GRID2: variants seen among roughly 807,000 people sequenced by gnomAD.
GRID2 encodes the protein glutamate receptor ionotropic, delta-2.
GRID2 carries 33 observed loss-of-function variants against 114.8 expected under a neutral mutation model. The observed-to-expected ratio is 0.29, with a 90% CI of 0.22 to 0.38. The LOEUF (loss-of-function observed/expected upper bound fraction) is 0.38, where lower values mean the gene tolerates loss of function less well. GRID2 is among the 10% of genes least tolerant of loss of function. The pLI is 1.00. For missense variants in GRID2, 1,184 were observed against 1,257.7 expected (o/e 0.94, Z 0.89); for synonymous variants, 505 against 449.9 (o/e 1.12, Z -1.55).
chr4:92,964,860 C>T (rs1045025856), intron 2 of GRID2, among the ~76,000 whole-genome samples: 1 of 152,064 alleles, frequency 6.6e-6, no homozygotes, highest in Non-Finnish European at 1.5e-5. Flanking sequence ...AAACTTTCTC[C>T]ATATCAGCAA....
chr4:93,152,503 T>C (rs1251218449), intron 4 of GRID2, among the ~76,000 whole-genome samples: 1 of 152,104 alleles, frequency 6.6e-6, no homozygotes, highest in Non-Finnish European at 1.5e-5. Context: ...AAGTACAAAA[T>C]ATTTATAATT....
intron 13 of GRID2, among the ~76,000 whole-genome samples, chr4:93,548,196 A>G (rs911583096): frequency 2.6e-5 from 4 of 152,106 alleles, no homozygotes; most frequent in African/African-American, 9.7e-5. Flanking sequence ...AAAAGAAAAA[A>G]AGGAAAAAGC....
chr4:93,182,244 AT>A (rs1200847846), intron 4 of GRID2, among the ~76,000 whole-genome samples: 5 of 152,086 alleles, frequency 3.3e-5, no homozygotes, highest in African/African-American at 1.2e-4. Context: ...GTCAAAATCT[AT>A]TTTTTAGTTG....
chr4:92,994,306 A>C (rs749287528), intron 2 of GRID2, among the ~76,000 whole-genome samples: 1 of 152,218 alleles, frequency 6.6e-6, no homozygotes, highest in East Asian at 1.9e-4. Flanking sequence ...AAATCCTTAG[A>C]ATCATGTAAC....
chr4:93,471,698 A>ATTTTTTTTTTTTTTTTTTTTTTTC, intron 11 of GRID2, among the ~76,000 whole-genome samples: 1 of 61,008 alleles, frequency 1.6e-5, no homozygotes, highest in Non-Finnish European at 3.2e-5. Flanking sequence ...CCTGAATTCA[A>ATTTTTTTTTTTTTTTTTTTTTTTC]TTTTTTTTTT....
intron 8 of GRID2, among the ~76,000 whole-genome samples, chr4:93,261,190 G>T (rs991347929): frequency 7.9e-5 from 12 of 151,874 alleles, no homozygotes; most frequent in African/African-American, 2.9e-4. Context: ...GGTTCCCAGA[G>T]ATTATAATTG....
intron 2 of GRID2, among the ~76,000 whole-genome samples, chr4:92,942,883 T>C (rs566878498): frequency 1.3e-5 from 2 of 152,312 alleles, no homozygotes; most frequent in Admixed American, 6.5e-5. Flanking sequence ...TCTTTAAGAA[T>C]GTTGAATATT....
chr4:93,451,736 AGAAAT>A (rs1157733418), intron 10 of GRID2, among the ~76,000 whole-genome samples: 2 of 152,104 alleles, frequency 1.3e-5, no homozygotes, highest in Admixed American at 6.6e-5. Context: ...GAAATAGTAA[AGAAAT>A]GAATGGATAT....
chr4:92,445,889 T>A (rs1733433024), intron 1 of GRID2, among the ~76,000 whole-genome samples: 1 of 152,232 alleles, frequency 6.6e-6, no homozygotes, highest in Non-Finnish European at 1.5e-5. Flanking sequence ...TGAACACATT[T>A]TTAATTTTTT....
intron 9 of GRID2, among the ~76,000 whole-genome samples, chr4:93,407,463 A>G (rs1766568148): frequency 6.6e-6 from 1 of 152,146 alleles, no homozygotes; most frequent in African/African-American, 2.4e-5. Flanking sequence ...ATCGGTCGAA[A>G]TACAGAGGTT....
chr4:92,427,348 G>A, intron 1 of GRID2, among the ~76,000 whole-genome samples: 1 of 152,004 alleles, frequency 6.6e-6, no homozygotes, highest in East Asian at 1.9e-4. Flanking sequence ...TAAATGAAGG[G>A]GTTGGGATAA....
intron 1 of GRID2, among the ~76,000 whole-genome samples, chr4:92,589,633 A>C (rs2149210563): frequency 6.6e-6 from 1 of 152,292 alleles, no homozygotes; most frequent in Non-Finnish European, 1.5e-5. Flanking sequence ...ACTATTATAA[A>C]AGATAATGAA....
At chr4:92,968,676 A>C (rs1242412636) in intron 2 of GRID2, among the ~76,000 whole-genome samples, 1 of 151,826 alleles carries the variant, frequency 6.6e-6, no homozygotes, top group Non-Finnish European at 1.5e-5. Context: ...CCACATTGTA[A>C]TTTTAGAACA....
intron 13 of GRID2, among the ~76,000 whole-genome samples, chr4:93,541,383 A>C (rs184227205): frequency 6.6e-6 from 1 of 152,156 alleles, no homozygotes; most frequent in African/African-American, 2.4e-5. Context: ...CTTTTAGGGT[A>C]CAAGTGTATT....
At chr4:93,300,964 G>A (rs895766690) in intron 8 of GRID2, among the ~76,000 whole-genome samples, 6 of 152,312 alleles carry the variant, frequency 3.9e-5, no homozygotes, top group Non-Finnish European at 8.8e-5. Flanking sequence ...AATAACATCA[G>A]TTTCTAAGTT....
intron 13 of GRID2, among the ~76,000 whole-genome samples, chr4:93,532,243 G>GT (rs1731523232): frequency 4.6e-5 from 7 of 152,110 alleles, no homozygotes; most frequent in Admixed American, 4.6e-4. Flanking sequence ...AGTGTCTGGG[G>GT]TTTTTTAACA....
At chr4:92,983,388 C>T (rs1754331913) in intron 2 of GRID2, among the ~76,000 whole-genome samples, 1 of 151,988 alleles carries the variant, frequency 6.6e-6, no homozygotes, top group Non-Finnish European at 1.5e-5. Context: ...AAGAAAGGAA[C>T]CCTCATGATC....
intron 1 of GRID2, among the ~76,000 whole-genome samples, chr4:92,487,279 T>C (rs1367524463): frequency 6.6e-6 from 1 of 152,022 alleles, no homozygotes; most frequent in Non-Finnish European, 1.5e-5. Flanking sequence ...ATAGATATTA[T>C]ATTATTTCTT....
chr4:93,648,917 T>A (rs1722346734), intron 14 of GRID2, among the ~76,000 whole-genome samples: 1 of 152,198 alleles, frequency 6.6e-6, no homozygotes. Flanking sequence ...TTTATTTAAT[T>A]CTTGCAAAAC....
Sources: allele counts gnomAD v4.1 joint callset (sites outside exome capture counted in the v4.1 genomes callset), GRCh38; gene constraint gnomAD v4.1.1; transcripts MANE v1.5; gene names NCBI Gene and HGNC (gene_info 2026-07-23, HGNC 2026-07-21).